Variants in SV2C observed in about 807,000 individuals in gnomAD.
SV2C encodes the protein solute carrier family 22 member B3.
A neutral mutation model predicts 79.7 loss-of-function variants in SV2C; 49 were observed. The ratio of observed to expected loss-of-function variants is 0.61; its 90% CI spans 0.49 to 0.78. SV2C has a LOEUF of 0.78. SV2C is among the 30% of genes least tolerant of loss of function. The pLI is 0.00. For missense variants in SV2C, 833 were observed against 912.9 expected (o/e 0.91, Z 1.13); for synonymous variants, 334 against 333.2 (o/e 1.00, Z -0.03).
intron 1 of SV2C, among the ~76,000 whole-genome samples, chr5:76,127,742 T>C (rs556154506): frequency 6.6e-6 from 1 of 152,290 alleles, no homozygotes; most frequent in African/African-American, 2.4e-5. Context: ...AGGAAGCTCC[T>C]ACATTCCACC....
the SV2C span, among the ~76,000 whole-genome samples, chr5:75,932,881 C>T: frequency 5.3e-4 from 80 of 152,330 alleles, 1 homozygote; most frequent in South Asian, 5.8e-3. Context: ...TCCTTCCCCT[C>T]TTCCACAGGG....
intron 2 of SV2C, among the ~76,000 whole-genome samples, chr5:76,192,425 T>C (rs1744132428): frequency 6.6e-6 from 1 of 152,226 alleles, no homozygotes; most frequent in African/African-American, 2.4e-5. Context: ...TGGATGAAGA[T>C]ACCTTTTAAG....
chr5:76,165,014 AC>A (rs35511956), intron 2 of SV2C, among the ~76,000 whole-genome samples: 39,125 of 151,990 alleles, frequency 0.26, 5,372 homozygotes, highest in South Asian at 0.4. Context: ...AAAAGTCTGT[AC>A]ATATTCAGTA....
At chr5:76,153,831 C>A (rs1465854683) in intron 2 of SV2C, among the ~76,000 whole-genome samples, 1 of 152,140 alleles carries the variant, frequency 6.6e-6, no homozygotes, top group Non-Finnish European at 1.5e-5. Flanking sequence ...CAGAGCTGGA[C>A]TTGAATCCTA....
chr5:76,011,654 C>G, the SV2C span, among the ~76,000 whole-genome samples: 1 of 151,924 alleles, frequency 6.6e-6, no homozygotes, highest in African/African-American at 2.4e-5. Flanking sequence ...GATACATGTG[C>G]AGAACATGCA....
the SV2C span, among the ~76,000 whole-genome samples, chr5:75,912,386 G>A: frequency 6.6e-6 from 1 of 152,154 alleles, no homozygotes; most frequent in Non-Finnish European, 1.5e-5. Context: ...CCAGCTACTT[G>A]GGAGGCTGAG....
At chr5:76,079,028 T>C (rs1746934096), upstream of SV2C, 2 of 420,194 alleles carry the variant, frequency 4.8e-6, no homozygotes, top group African/African-American at 2.1e-5. Context: ...AGAGGGGCCA[T>C]CAACAGACAT....
Position 76,258,708 on chromosome 5 carries a change from A to T in SV2C, c.914-26454A>T, listed in dbSNP as rs181079755. On this transcript the variant is annotated intron_variant, in intron 4 of 12. Coordinates refer to ENST00000502798, the MANE Select transcript of SV2C (RefSeq NM_014979.4). Reference sequence around the variant, plus strand: ...TGAGGTTATTATTTACATTCAAAAAATGCAAGAATCTTAAGTGTACAGTTC... The same window carrying T: ...TGAGGTTATTATTTACATTCAAAAATTGCAAGAATCTTAAGTGTACAGTTC... Among the ~76,000 whole-genome samples the T allele has an allele frequency of 8.5e-5, 13 of 152,324 alleles. No individual in the cohort carries two copies. In the East Asian group the frequency reaches 2.5e-3, roughly 29 times the overall value.
chr5:76,080,454 T>C (rs1160325711), upstream of SV2C, among the ~76,000 whole-genome samples: 2 of 152,128 alleles, frequency 1.3e-5, no homozygotes, highest in African/African-American at 4.8e-5. Flanking sequence ...ACAAAACCAG[T>C]TCTCCAAAGC....
chr5:76,280,962 C>A (rs1221987787), intron 4 of SV2C: 1 of 536,556 alleles, frequency 1.9e-6, no homozygotes, highest in East Asian at 5.3e-5. Flanking sequence ...ATGACAGGAT[C>A]CTGGTGATGC....
At chr5:76,034,234 C>A in the SV2C span, among the ~76,000 whole-genome samples, 1 of 152,000 alleles carries the variant, frequency 6.6e-6, no homozygotes, top group Admixed American at 6.6e-5. Flanking sequence ...ATTGAATACC[C>A]TTTATTTCCT....
chr5:76,031,256 G>T, the SV2C span, among the ~76,000 whole-genome samples: 1 of 152,188 alleles, frequency 6.6e-6, no homozygotes, highest in African/African-American at 2.4e-5. Context: ...CATGTTGCCT[G>T]CTCATCACAG....
chr5:75,970,669 G>C, the SV2C span, among the ~76,000 whole-genome samples: 1 of 152,140 alleles, frequency 6.6e-6, no homozygotes, highest in African/African-American at 2.4e-5. Context: ...CTATGAAATT[G>C]AGGCAATAAT....
At chr5:76,123,284 A>G (rs1324318628) in intron 1 of SV2C, among the ~76,000 whole-genome samples, 1 of 152,226 alleles carries the variant, frequency 6.6e-6, no homozygotes, top group Admixed American at 6.5e-5. Context: ...TCACAGCCGA[A>G]TTCTACCAGA....
chr5:75,943,255 A>G, the SV2C span, among the ~76,000 whole-genome samples: 2 of 152,164 alleles, frequency 1.3e-5, no homozygotes, highest in Non-Finnish European at 2.9e-5. Flanking sequence ...AATAAATTAG[A>G]TACTGTTTAA....
At chr5:75,986,508 A>G in the SV2C span, among the ~76,000 whole-genome samples, 2 of 151,910 alleles carry the variant, frequency 1.3e-5, no homozygotes, top group African/African-American at 4.8e-5. Flanking sequence ...GCCCAGTGAA[A>G]TTTTGGACTT....
the SV2C span, among the ~76,000 whole-genome samples, chr5:76,029,448 G>A: frequency 6.6e-6 from 1 of 151,938 alleles, no homozygotes; most frequent in Non-Finnish European, 1.5e-5. Flanking sequence ...CACTCCCAGA[G>A]AGTCATTGAA....
chr5:76,238,081 C>T (rs1174249023), intron 4 of SV2C, among the ~76,000 whole-genome samples: 1 of 149,312 alleles, frequency 6.7e-6, no homozygotes, highest in Non-Finnish European at 1.5e-5. Context: ...TATACCTCAC[C>T]ACCATTTTTT....
chr5:76,045,654 A>G, the SV2C span, among the ~76,000 whole-genome samples: 1 of 152,256 alleles, frequency 6.6e-6, no homozygotes, highest in South Asian at 2.1e-4. Context: ...TTGGGCTAAG[A>G]TGTTTGTTTT....
Sources: allele counts gnomAD v4.1 joint callset (sites outside exome capture counted in the v4.1 genomes callset), GRCh38; gene constraint gnomAD v4.1.1; transcripts MANE v1.5; gene names NCBI Gene and HGNC (gene_info 2026-07-23, HGNC 2026-07-21).